TMTC3: variants seen among roughly 807,000 people sequenced by gnomAD.
TMTC3 encodes protein O-mannosyl-transferase TMTC3.
In TMTC3, 52 loss-of-function variants were observed where a neutral mutation model predicts 92.2. The observed-to-expected ratio is 0.56, with a 90% CI of 0.45 to 0.71. TMTC3 has a LOEUF of 0.71. Ranked by LOEUF, TMTC3 falls within the 30% of genes least tolerant of loss-of-function variation. TMTC3 has a pLI of 0.00. For synonymous variants in TMTC3, 339 were observed against 363.3 expected (o/e 0.93, Z 0.76); for missense variants, 896 against 1,057.1 (o/e 0.85, Z 2.11).
chr12:88,190,442 C>T lies in TMTC3; in HGVS notation c.1537-11C>T. 6.2e-7 allele frequency: 1 copy of T among 1,610,934 alleles called. No homozygotes were observed. The highest frequency in any genetic ancestry group is 1.7e-5 in the Admixed American group (1 of 59,596). ...ATATCAAATCATGAAAATGCCTTTT[C>T]TTCTAAACAGATTATTCCTGGTAAA... On this transcript the variant is annotated splice_polypyrimidine_tract_variant and intron_variant, in intron 11 of 13. Coordinates refer to ENST00000266712, the MANE Select transcript of TMTC3 (RefSeq NM_181783.4).
At position 88,197,221 on chromosome 12, in the gene TMTC3, G is replaced by T. The variant is rs1055218194; in HGVS notation, c.*1572G>T. On this transcript the variant is annotated 3_prime_UTR_variant, in exon 14 of 14. Coordinates refer to ENST00000266712, the MANE Select transcript of TMTC3 (RefSeq NM_181783.4). ...ATAAGATACAAGGTCTGCATTAGAA[G>T]ACCCACTCTTACTAGGTTCCCTAAG... 6.8e-6 allele frequency: 1 copy of T among 147,208 alleles called. No homozygotes were observed. 9.1% of individuals were successfully genotyped at this position (147,208 alleles called of 1,614,324 possible). A position where few individuals can be genotyped will look rare whatever the true frequency, so the allele number is the denominator to read the frequency against.
intron 9 of TMTC3, among the ~76,000 whole-genome samples, chr12:88,175,819 C>T (rs1399140194): frequency 6.6e-6 from 1 of 152,154 alleles, no homozygotes; most frequent in Non-Finnish European, 1.5e-5. Flanking sequence ...TAATGGACTA[C>T]ATAAATAATT....
chr12:88,170,701 A>G (rs1424721927), intron 7 of TMTC3, among the ~76,000 whole-genome samples: 1 of 152,224 alleles, frequency 6.6e-6, no homozygotes, highest in African/African-American at 2.4e-5. Flanking sequence ...AGAGTCTCAA[A>G]CTTGTGAAGC....
chr12:88,160,661 A>G lies in TMTC3; in HGVS notation c.625-18A>G, dbSNP rs1555232397. 2.1e-5 allele frequency: 33 copies of G among 1,609,746 alleles called. No individual in the cohort carries two copies. In the South Asian group the frequency reaches 3.1e-4, roughly 15 times the overall value. On this transcript the variant is annotated intron_variant, in intron 5 of 13. Coordinates refer to ENST00000266712, the MANE Select transcript of TMTC3 (RefSeq NM_181783.4). ...TATGTCGTTATTTGTTGCTTAAAAC[A>G]TTTCTTTTCTTTTTCAGTATACTTT...
chr12:88,167,579 G>A (rs7953323), intron 7 of TMTC3, among the ~76,000 whole-genome samples: 117,838 of 152,130 alleles, frequency 0.77, 51,108 homozygotes, highest in East Asian at 0.96. Context: ...GTACAGTGCA[G>A]CATTTTAGGT....
intron 4 of TMTC3, among the ~76,000 whole-genome samples, chr12:88,156,213 C>T (rs996433432): frequency 2.6e-5 from 4 of 152,090 alleles, no homozygotes; most frequent in Non-Finnish European, 5.9e-5. Context: ...ATTGTTGTAT[C>T]CTTCAGATAT....
At chr12:88,175,621 T>C (rs909341701) in intron 9 of TMTC3, among the ~76,000 whole-genome samples, 4 of 152,114 alleles carry the variant, frequency 2.6e-5, no homozygotes, top group African/African-American at 9.7e-5. Context: ...AGGATACCAG[T>C]GGAGCCCCAT....
chr12:88,148,790 G>C (rs74741016), intron 2 of TMTC3, among the ~76,000 whole-genome samples: 5,930 of 151,432 alleles, frequency 0.039, 364 homozygotes, highest in African/African-American at 0.13. Flanking sequence ...GATTTGTCAC[G>C]TGGGTATATT....
In TMTC3 at chr12:88,197,060, G is replaced by T. The variant is rs2041521463; in HGVS notation, c.*1411G>T. The T allele has an allele frequency of 6.6e-6, 1 of 151,708 alleles. No homozygotes were observed. Among genetic ancestry groups the T allele is most frequent in the African/African-American group, 2.4e-5 (1 of 41,278 alleles). The allele number at this position is 151,708 out of a possible 1,614,324, so 9.4% of individuals were successfully genotyped here. ...ATATGAAAGCTCTGGCTATCATCCT[G>T]GGATAGTAATTTCTAATTATATAGT... is the stretch of plus-strand genomic sequence containing the variant. On this transcript the variant is annotated 3_prime_UTR_variant, in exon 14 of 14. Coordinates refer to ENST00000266712, the MANE Select transcript of TMTC3 (RefSeq NM_181783.4).
intron 10 of TMTC3, among the ~76,000 whole-genome samples, chr12:88,180,422 G>C (rs1211820708): frequency 6.6e-6 from 1 of 152,102 alleles, no homozygotes; most frequent in Non-Finnish European, 1.5e-5. Context: ...TAGAAGATGG[G>C]CCTAATAGAG....
At chr12:88,190,370 T>C in intron 11 of TMTC3, 83 bp from the exon 12 acceptor site, 1 of 1,282,932 alleles carries the variant, frequency 7.8e-7, no homozygotes, top group African/African-American at 1.5e-5. Context: ...TCTGAGTTAT[T>C]TTGAATTAGC....
At chr12:88,187,222 A>G (rs2041388037) in intron 10 of TMTC3, among the ~76,000 whole-genome samples, 2 of 151,780 alleles carry the variant, frequency 1.3e-5, no homozygotes, top group Admixed American at 6.6e-5. Context: ...TTAATTGACA[A>G]TAATAGTACA....
chr12:88,190,923 A>G (rs1292690982), intron 12 of TMTC3, among the ~76,000 whole-genome samples: 5 of 152,176 alleles, frequency 3.3e-5, no homozygotes, highest in Non-Finnish European at 7.4e-5. Flanking sequence ...TTTCCTATTT[A>G]AATTAAAACT....
In TMTC3 at chr12:88,195,322, T is replaced by C. The variant is rs138132390; in HGVS notation, c.2418T>C (p.Tyr806=). 8.1e-6 allele frequency: 13 copies of C among 1,613,780 alleles called. No homozygotes were observed. Among genetic ancestry groups the C allele is most frequent in the African/African-American group, 5.3e-5 (4 of 74,906 alleles). Residue 806 remains tyrosine, a synonymous_variant, in exon 14 of 14, where the codon TAT becomes TAC. Coordinates refer to ENST00000266712, the MANE Select transcript of TMTC3 (RefSeq NM_181783.4). ...TGGCATTAGCACCACATGAAGAATA[T>C]ATTCAGCGCCATTTGAATATAGTCA... ...ETLALAPHEE[Y]IQRHLNIVRD...
At chr12:88,163,730 G>A (rs2041107947) in intron 6 of TMTC3, among the ~76,000 whole-genome samples, 4 of 152,050 alleles carry the variant, frequency 2.6e-5, no homozygotes, top group Admixed American at 2.0e-4. Context: ...CCCAGTCGTT[G>A]GATTTAGGGC....
chr12:88,177,311 G>C (rs2041270366), intron 10 of TMTC3, among the ~76,000 whole-genome samples: 1 of 151,052 alleles, frequency 6.6e-6, no homozygotes, highest in African/African-American at 2.5e-5. Context: ...GGGTGACAGA[G>C]TGATATACTC....
intron 6 of TMTC3, among the ~76,000 whole-genome samples, chr12:88,164,300 C>A (rs1471025842): frequency 6.6e-6 from 1 of 151,866 alleles, no homozygotes; most frequent in Non-Finnish European, 1.5e-5. Context: ...CTGGATTCTT[C>A]CTCACTAATT....
At chr12:88,167,361 G>C (rs988605473) in intron 7 of TMTC3, among the ~76,000 whole-genome samples, 2 of 152,046 alleles carry the variant, frequency 1.3e-5, no homozygotes, top group African/African-American at 4.8e-5. Context: ...CTGAGATTGC[G>C]CCACTGCACT....
At chr12:88,189,381 T>C (rs1016093653) in intron 11 of TMTC3, among the ~76,000 whole-genome samples, 3 of 152,150 alleles carry the variant, frequency 2.0e-5, no homozygotes, top group Non-Finnish European at 2.9e-5. Flanking sequence ...CATGAGCCAC[T>C]GCGCCCGGCC....
Sources: allele counts gnomAD v4.1 joint callset (sites outside exome capture counted in the v4.1 genomes callset), GRCh38; gene constraint gnomAD v4.1.1; transcripts MANE v1.5; gene names NCBI Gene and HGNC (gene_info 2026-07-23, HGNC 2026-07-21).